Variants in WDR70 observed in about 807,000 individuals in gnomAD.
The protein encoded by WDR70 is WD repeat-containing protein 70.
In WDR70, 53 loss-of-function variants were observed where a neutral mutation model predicts 88.6. The observed-to-expected ratio is 0.60, with a 90% CI of 0.48 to 0.75. The LOEUF is 0.75. Among genes scored for constraint, WDR70 ranks in the 30% least tolerant of loss-of-function variants. The pLI, the probability that WDR70 is intolerant of heterozygous loss-of-function variation, is 0.00. For missense variants in WDR70, 610 were observed against 823.2 expected (o/e 0.74, Z 3.17); for synonymous variants, 280 against 270.0 (o/e 1.04, Z -0.36).
Position 37,663,407 on chromosome 5 carries a change from A to G in WDR70, c.1093-34248A>G, listed in dbSNP as rs1161613020. Among the ~76,000 whole-genome samples the G allele has an allele frequency of 7.2e-5, 11 of 152,208 alleles. No individual in the cohort carries two copies. In the South Asian group the frequency reaches 2.3e-3, roughly 32 times the overall value. Reference sequence around the variant, plus strand: ...TCTACTCGACTATCCCAGTAATATGATTTCCTTGCTTCCTTGCTCTGGCTC... The same window carrying G: ...TCTACTCGACTATCCCAGTAATATGGTTTCCTTGCTTCCTTGCTCTGGCTC... On this transcript the variant is annotated intron_variant, in intron 10 of 17. Coordinates refer to ENST00000265107, the MANE Select transcript of WDR70 (RefSeq NM_018034.4).
chr5:37,564,394 G>A (rs890370405), intron 9 of WDR70, among the ~76,000 whole-genome samples: 9 of 152,210 alleles, frequency 5.9e-5, no homozygotes, highest in South Asian at 2.1e-4. Context: ...AGGTGTGGCG[G>A]CTTGCGCCTG....
At chr5:37,485,334 C>T (rs913279369) in intron 8 of WDR70, among the ~76,000 whole-genome samples, 17 of 152,192 alleles carry the variant, frequency 1.1e-4, no homozygotes, top group Admixed American at 1.1e-3. Context: ...ACAGCACTTT[C>T]ATAGTCATGT....
At chr5:37,556,829 G>GA (rs1435133156) in intron 9 of WDR70, among the ~76,000 whole-genome samples, 6 of 152,092 alleles carry the variant, frequency 3.9e-5, no homozygotes, top group African/African-American at 1.4e-4. Flanking sequence ...ACTATAAAAG[G>GA]AGCCCCAAAT....
chr5:37,379,883 TAA>T (rs1748371463), intron 2 of WDR70, among the ~76,000 whole-genome samples: 1 of 152,216 alleles, frequency 6.6e-6, no homozygotes. Flanking sequence ...GGTAGATTTC[TAA>T]AAGAGAGTGT....
intron 10 of WDR70, among the ~76,000 whole-genome samples, chr5:37,682,928 C>T (rs1321913927): frequency 6.6e-6 from 1 of 151,508 alleles, no homozygotes; most frequent in Non-Finnish European, 1.5e-5. Flanking sequence ...GTAGTACTGT[C>T]AGTGAGTTGT....
At chr5:37,580,981 A>G (rs191206052) in intron 9 of WDR70, among the ~76,000 whole-genome samples, 10 of 152,388 alleles carry the variant, frequency 6.6e-5, no homozygotes, top group African/African-American at 2.2e-4. Flanking sequence ...GTTAGTTCAC[A>G]AAGAATTATT....
chr5:37,388,999 C>T (rs1748720164), intron 3 of WDR70, among the ~76,000 whole-genome samples: 1 of 151,822 alleles, frequency 6.6e-6, no homozygotes, highest in Admixed American at 6.6e-5. Flanking sequence ...GAAGATGAGC[C>T]TAGAGTACAA....
chr5:37,480,084 G>A (rs1003034578), intron 8 of WDR70, 97 bp downstream of exon 8: 8 of 1,426,710 alleles, frequency 5.6e-6, no homozygotes, highest in Admixed American at 2.2e-5. Flanking sequence ...AAAAGTTAGT[G>A]TCATAAAACA....
chr5:37,523,324 A>G (rs1741154966), intron 9 of WDR70, among the ~76,000 whole-genome samples: 1 of 152,234 alleles, frequency 6.6e-6, no homozygotes, highest in South Asian at 2.1e-4. Flanking sequence ...CTGTTCAGCA[A>G]TATTCGCTGT....
chr5:37,604,157 A>G (rs1301529463), intron 9 of WDR70, among the ~76,000 whole-genome samples: 1 of 151,958 alleles, frequency 6.6e-6, no homozygotes, highest in Non-Finnish European at 1.5e-5. Context: ...TATTTATTCT[A>G]CCTATGTCTT....
chr5:37,487,620 TATATGTA>T (rs372769853), intron 8 of WDR70, among the ~76,000 whole-genome samples: 3,395 of 38,332 alleles, frequency 0.089, 94 homozygotes, highest in South Asian at 0.16. Flanking sequence ...TATATATATA[TATATGTA>T]TTTTTTTTTT....
At position 37,544,876 on chromosome 5, in the gene WDR70, A is replaced by G. The variant is rs181943969; in HGVS notation, c.917+28286A>G. On this transcript the variant is annotated intron_variant, in intron 9 of 17. Coordinates refer to ENST00000265107, the MANE Select transcript of WDR70 (RefSeq NM_018034.4). ...GCTGGAAGGCTGCTAGGCAGATATC[A>G]TTTGATTTTTATAATGTCAATATAA... 2.0e-5 allele frequency among the ~76,000 whole-genome samples: 3 copies of G among 152,300 alleles called. No homozygotes were observed. The East Asian group carries it at 5.8e-4, about 29-fold the overall frequency.
chr5:37,574,820 T>C (rs1001576669), intron 9 of WDR70, among the ~76,000 whole-genome samples: 1 of 152,198 alleles, frequency 6.6e-6, no homozygotes, highest in Non-Finnish European at 1.5e-5. Flanking sequence ...GTGAGAGTCA[T>C]TCTTGATTTT....
intron 9 of WDR70, among the ~76,000 whole-genome samples, chr5:37,575,269 A>G (rs758399679): frequency 1.1e-4 from 16 of 152,168 alleles, no homozygotes; most frequent in Admixed American, 2.0e-4. Context: ...TCTGACACTG[A>G]GCTCCTAAAA....
At chr5:37,576,349 G>GC (rs1241327286) in intron 9 of WDR70, among the ~76,000 whole-genome samples, 1 of 151,724 alleles carries the variant, frequency 6.6e-6, no homozygotes, top group African/African-American at 2.4e-5. Flanking sequence ...TGTGTTCTAA[G>GC]GCAAGATAAT....
At chr5:37,637,089 C>G (rs1410596245) in intron 10 of WDR70, among the ~76,000 whole-genome samples, 2 of 151,980 alleles carry the variant, frequency 1.3e-5, no homozygotes, top group Non-Finnish European at 2.9e-5. Flanking sequence ...CGTATGTAAT[C>G]CCACCACTTT....
intron 2 of WDR70, 89 bp from the exon 3 acceptor site, chr5:37,381,513 A>C: frequency 9.9e-7 from 1 of 1,008,762 alleles, no homozygotes; most frequent in Non-Finnish European, 1.5e-6. Context: ...AACTAGACAA[A>C]GTAAGTGTTT....
At chr5:37,589,070 A>AT (rs972549708) in intron 9 of WDR70, among the ~76,000 whole-genome samples, 10 of 151,534 alleles carry the variant, frequency 6.6e-5, no homozygotes, top group Non-Finnish European at 1.5e-4. Context: ...GCCTATTATT[A>AT]TTTTTTAAGA....
intron 9 of WDR70, among the ~76,000 whole-genome samples, chr5:37,542,620 G>C (rs1741861847): frequency 6.6e-6 from 1 of 152,040 alleles, no homozygotes. Flanking sequence ...GTCATGAAAT[G>C]TCAATATCAT....
Sources: allele counts gnomAD v4.1 joint callset (sites outside exome capture counted in the v4.1 genomes callset), GRCh38; gene constraint gnomAD v4.1.1; transcripts MANE v1.5; gene names NCBI Gene and HGNC (gene_info 2026-07-23, HGNC 2026-07-21).